HNRNPLL: variants seen among roughly 807,000 people sequenced by gnomAD.
HNRNPLL encodes heterogeneous nuclear ribonucleoprotein L-like.
Under a neutral mutation model 67.1 loss-of-function variants are expected in HNRNPLL, and 25 were observed. That is an observed-to-expected ratio of 0.37 (90% CI 0.27 to 0.52). The LOEUF is 0.52. Among genes scored for constraint, HNRNPLL ranks in the 20% least tolerant of loss-of-function variants. The pLI, the probability that HNRNPLL is intolerant of heterozygous loss-of-function variation, is 0.90. For missense variants in HNRNPLL, 542 were observed against 673.9 expected, an observed-to-expected ratio of 0.80 and a Z score of 2.17; for synonymous variants, 267 against 241.7, an observed-to-expected ratio of 1.10 and a Z score of -0.97.
At chr2:38,589,633 G>C (rs1334709006) in intron 2 of HNRNPLL, among the ~76,000 whole-genome samples, 3 of 152,190 alleles carry the variant, frequency 2.0e-5, no homozygotes, top group African/African-American at 7.2e-5. Context: ...GACTTTACCA[G>C]AGACTAAGTA....
chr2:38,600,092 G>C (rs1230507193), intron 1 of HNRNPLL: 1 of 218,780 alleles, frequency 4.6e-6, no homozygotes, highest in Non-Finnish European at 1.0e-5. Flanking sequence ...TTCCATAGTT[G>C]CCATGATTTC....
At chr2:38,582,607 G>C (rs565392393) in intron 4 of HNRNPLL, among the ~76,000 whole-genome samples, 20 of 152,234 alleles carry the variant, frequency 1.3e-4, no homozygotes, top group African/African-American at 4.6e-4. Context: ...ACTGCGCCTG[G>C]CCAGGAGAAT....
chr2:38,598,289 A>G (rs1176877128), intron 1 of HNRNPLL, among the ~76,000 whole-genome samples: 3 of 152,204 alleles, frequency 2.0e-5, no homozygotes, highest in Non-Finnish European at 2.9e-5. Flanking sequence ...GCTGCTAGCT[A>G]TAAGAATGTC....
At position 38,602,703 on chromosome 2, in the gene HNRNPLL, T is replaced by C. The variant is rs958027340; in HGVS notation, c.-77A>G. ...GCGCGCCTCGGATGCCGCCGGCCAGTCCTCGCCGCCGGCAGCGCCTCTTCT... is the reference window on the plus strand; with the variant it reads ...GCGCGCCTCGGATGCCGCCGGCCAGCCCTCGCCGCCGGCAGCGCCTCTTCT... On this transcript the variant is annotated 5_prime_UTR_variant, in exon 1 of 13. Coordinates refer to ENST00000449105, the MANE Select transcript of HNRNPLL (RefSeq NM_138394.4). The C allele has an allele frequency of 1.4e-4, 207 of 1,431,182 alleles. No homozygotes were observed. The highest frequency in any genetic ancestry group is 3.9e-4 in the South Asian group (26 of 67,500). 88.7% of individuals were successfully genotyped at this position (1,431,182 alleles called of 1,614,324 possible).
At chr2:38,567,786 C>T (rs1180415428) in intron 12 of HNRNPLL, among the ~76,000 whole-genome samples, 2 of 152,200 alleles carry the variant, frequency 1.3e-5, no homozygotes, top group Admixed American at 1.3e-4. Flanking sequence ...AAGTCAGCTA[C>T]CATCAAAAGG....
chr2:38,577,672 C>T, intron 6 of HNRNPLL, 140 bp from the exon 7 acceptor site: 1 of 621,170 alleles, frequency 1.6e-6, no homozygotes, highest in East Asian at 2.8e-5. Flanking sequence ...TTTAAACATC[C>T]ATTCATATCC....
At chr2:38,572,253 T>A (rs1250056568) in intron 8 of HNRNPLL, among the ~76,000 whole-genome samples, 3 of 152,118 alleles carry the variant, frequency 2.0e-5, no homozygotes, top group Admixed American at 6.6e-5. Context: ...TGTGATCAAA[T>A]GGTTGACAAA....
At position 38,602,455 on chromosome 2, in the gene HNRNPLL, GGCC is replaced by G. The variant is rs530811880; in HGVS notation, c.169_171del (p.Gly57del). ...TTTGTTACCGGCTGAGAGAAGCTCC[GGCC>G]GCCGCCGCCGCCATCGCCCCCGCCC... On this transcript the variant is annotated inframe_deletion, in exon 1 of 13. Coordinates refer to ENST00000449105, the MANE Select transcript of HNRNPLL (RefSeq NM_138394.4). 5.2e-6 allele frequency: 8 copies of G among 1,535,494 alleles called. No individual in the cohort carries two copies. Among genetic ancestry groups the G allele is most frequent in the East Asian group, 2.5e-5 (1 of 40,782 alleles).
intron 1 of HNRNPLL, among the ~76,000 whole-genome samples, chr2:38,595,613 G>C (rs13423067): frequency 0.012 from 1,783 of 152,318 alleles, 35 homozygotes; most frequent in African/African-American, 0.041. Flanking sequence ...GGGAGGCCAA[G>C]GCAGGCGAAT....
At chr2:38,596,233 C>T (rs1195869142) in intron 1 of HNRNPLL, among the ~76,000 whole-genome samples, 1 of 152,164 alleles carries the variant, frequency 6.6e-6, no homozygotes, top group South Asian at 2.1e-4. Flanking sequence ...GTACTATATA[C>T]TGGTGACAAG....
intron 1 of HNRNPLL, among the ~76,000 whole-genome samples, chr2:38,596,167 GT>G (rs1667180726): frequency 1.3e-5 from 2 of 151,518 alleles, no homozygotes; most frequent in African/African-American, 4.9e-5. Flanking sequence ...CCTGAGCTTC[GT>G]TTTCCCCCTT....
intron 7 of HNRNPLL, among the ~76,000 whole-genome samples, chr2:38,576,417 A>G (rs1229146610): frequency 6.6e-6 from 1 of 151,612 alleles, no homozygotes; most frequent in East Asian, 1.9e-4. Flanking sequence ...AAGAAAAATA[A>G]TCAAGGTACA....
intron 12 of HNRNPLL, among the ~76,000 whole-genome samples, chr2:38,567,877 G>C (rs968496867): frequency 6.6e-6 from 1 of 152,108 alleles, no homozygotes; most frequent in African/African-American, 2.4e-5. Flanking sequence ...CAAGCCCTGA[G>C]ATTACTGCAG....
intron 2 of HNRNPLL, among the ~76,000 whole-genome samples, chr2:38,589,006 C>T (rs1666852811): frequency 6.6e-6 from 1 of 152,096 alleles, no homozygotes; most frequent in African/African-American, 2.4e-5. Flanking sequence ...GAGAAGACAA[C>T]AGATTTAGTG....
intron 9 of HNRNPLL, among the ~76,000 whole-genome samples, chr2:38,569,602 A>G (rs953546042): frequency 1.3e-5 from 2 of 152,180 alleles, no homozygotes; most frequent in Non-Finnish European, 2.9e-5. Flanking sequence ...TTATCATCAT[A>G]AAACTAAAAA....
chr2:38,585,469 T>C (rs1666687003), intron 3 of HNRNPLL, among the ~76,000 whole-genome samples, 175 bp downstream of exon 3: 1 of 152,234 alleles, frequency 6.6e-6, no homozygotes, highest in South Asian at 2.1e-4. Context: ...CTTATCTTTT[T>C]AACTACAGTG....
chr2:38,589,564 A>C (rs1281765904), intron 2 of HNRNPLL, among the ~76,000 whole-genome samples: 1 of 152,190 alleles, frequency 6.6e-6, no homozygotes. Flanking sequence ...CTATCCACAT[A>C]ACTACCAATC....
At chr2:38,578,389 A>G (rs563980956) in intron 6 of HNRNPLL, among the ~76,000 whole-genome samples, 24 of 152,204 alleles carry the variant, frequency 1.6e-4, no homozygotes, top group South Asian at 6.2e-4. Flanking sequence ...ATCATTATAC[A>G]ATACTTTTAG....
chr2:38,587,289 T>G lies in HNRNPLL; in HGVS notation c.309-1408A>C, dbSNP rs1666770526. On this transcript the variant is annotated intron_variant, in intron 2 of 12. Coordinates refer to ENST00000449105, the MANE Select transcript of HNRNPLL (RefSeq NM_138394.4). ...CTTGGAGAATTGTCAAGATTAGAGT[T>G]ACTACATACAAACTCTAAGCGGATT... Among the ~76,000 whole-genome samples the G allele has an allele frequency of 2.6e-5, 4 of 152,242 alleles. No homozygotes were observed. In the South Asian group the frequency reaches 8.3e-4, roughly 31 times the overall value.
Sources: gnomAD v4.1 joint callset for allele counts (sites outside exome capture counted in the v4.1 genomes callset) on GRCh38, gnomAD v4.1.1 for gene constraint, MANE v1.5 for transcripts, NCBI Gene and HGNC (gene_info 2026-07-23, HGNC 2026-07-21) for gene names.